Variants in GCH1 observed in about 807,000 individuals in gnomAD.
GCH1 encodes GTP cyclohydrolase I.
In GCH1, 5 loss-of-function variants were observed where a neutral mutation model predicts 25.9. The ratio of observed to expected loss-of-function variants is 0.19; its 90% CI spans 0.10 to 0.41. GCH1 has a LOEUF of 0.41. Ranked by LOEUF, GCH1 falls within the 10% of genes least tolerant of loss-of-function variation. The pLI, the probability that GCH1 is intolerant of heterozygous loss-of-function variation, is 1.00. For missense variants in GCH1, 261 were observed against 336.5 expected (o/e 0.78, Z 1.75); for synonymous variants, 159 against 129.6 (o/e 1.23, Z -1.54).
At chr14:54,886,040 G>A (rs914774292) in intron 1 of GCH1, 1 of 220,978 alleles carries the variant, frequency 4.5e-6, no homozygotes, top group Admixed American at 5.1e-5. Flanking sequence ...AAACCCTAGT[G>A]GTACTTGTCT....
chr14:54,866,170 C>G (rs1448354192), intron 1 of GCH1, among the ~76,000 whole-genome samples: 4 of 151,614 alleles, frequency 2.6e-5, no homozygotes, highest in Non-Finnish European at 5.9e-5. Flanking sequence ...CTCAACTATG[C>G]TATGTGCAAA....
rs200655576 is a variant in GCH1, at chr14:54,861,877, ACT to A, written c.454-2143_454-2142del. On this transcript the variant is annotated intron_variant, in intron 2 of 5. Coordinates refer to ENST00000491895, the MANE Select transcript of GCH1 (RefSeq NM_000161.3). ...GGATCTGGCTGCAGCCAAGCCACTA[ACT>A]CTCTCTATCCTCTTGAACAAGTCAC... Among the ~76,000 whole-genome samples the A allele has an allele frequency of 2.6e-5, 4 of 152,206 alleles. No homozygotes were observed. The East Asian group carries it at 7.7e-4, about 29-fold the overall frequency.
chr14:54,842,144 T>C lies in GCH1; in HGVS notation c.*1873A>G, dbSNP rs2039566178. The C allele has an allele frequency of 6.6e-6, 1 of 152,282 alleles. No homozygotes were observed. Among genetic ancestry groups the C allele is most frequent in the Admixed American group, 6.6e-5 (1 of 15,256 alleles). 9.4% of individuals were successfully genotyped at this position (152,282 alleles called of 1,614,324 possible). A position where few individuals can be genotyped will look rare whatever the true frequency, so the allele number is the denominator to read the frequency against. ...ATCAAATTCTTAAAAATCCCCCAAA[T>C]GGACTCAAGATCATGGATATGAAAA... On this transcript the variant is annotated 3_prime_UTR_variant, in exon 6 of 6. Coordinates refer to ENST00000491895, the MANE Select transcript of GCH1 (RefSeq NM_000161.3).
intron 1 of GCH1, among the ~76,000 whole-genome samples, chr14:54,875,688 A>G (rs979562915): frequency 1.3e-5 from 2 of 152,234 alleles, no homozygotes; most frequent in African/African-American, 4.8e-5. Context: ...CTTCTCAAGG[A>G]TATGAACAGA....
At chr14:54,847,621 G>C (rs889327080) in intron 3 of GCH1, among the ~76,000 whole-genome samples, 1 of 152,002 alleles carries the variant, frequency 6.6e-6, no homozygotes, top group Non-Finnish European at 1.5e-5. Flanking sequence ...ACAGCCTATT[G>C]TGGGACCCTG....
At chr14:54,848,133 CCT>C (rs1185217559) in intron 3 of GCH1, among the ~76,000 whole-genome samples, 2 of 149,118 alleles carry the variant, frequency 1.3e-5, no homozygotes, top group African/African-American at 2.5e-5. Flanking sequence ...GATAAATTTT[CCT>C]CTTTTTTTTT....
intron 1 of GCH1, among the ~76,000 whole-genome samples, chr14:54,872,164 C>T (rs1368691369): frequency 5.3e-5 from 8 of 152,292 alleles, no homozygotes; most frequent in Admixed American, 1.3e-4. Flanking sequence ...AGAAACTCTA[C>T]AAGCCAGAAG....
chr14:54,885,093 G>A, intron 1 of GCH1: 1 of 309,156 alleles, frequency 3.2e-6, no homozygotes, highest in South Asian at 3.7e-5. Context: ...GTTGTCATCT[G>A]TTGTCCTGGA....
chr14:54,859,690 T>C lies in GCH1; in HGVS notation c.500A>G (p.Lys167Arg). Residue 167 changes from lysine to arginine, a missense_variant, in exon 3 of 6, where the codon AAA becomes AGA. Physicochemically the swap from Lys to Arg is conservative, Grantham distance 26. Coordinates refer to ENST00000491895, the MANE Select transcript of GCH1 (RefSeq NM_000161.3). ...GCACAGTCACACTTACCTCGCAAGT[T>C]TGCTGAGGCCAAGGACTTGCTTGTT... ...LPNKQVLGLS[K>R]LARIVEIYSR... The C allele has an allele frequency of 6.3e-7, 1 of 1,591,912 alleles. No individual in the cohort carries two copies. The highest frequency in any genetic ancestry group is 2.2e-5 in the East Asian group (1 of 44,774).
intron 1 of GCH1, among the ~76,000 whole-genome samples, chr14:54,897,085 C>CTGCAACCT (rs1194000129): frequency 7.0e-6 from 1 of 142,204 alleles, no homozygotes; most frequent in East Asian, 2.2e-4. Flanking sequence ...TCTCGGCTCA[C>CTGCAACCT]TGCAACCTCC....
intron 3 of GCH1, among the ~76,000 whole-genome samples, chr14:54,858,215 C>A (rs1462673577): frequency 6.6e-6 from 1 of 152,054 alleles, no homozygotes. Context: ...CCAGGGCCTG[C>A]ATAAAGAAAC....
chr14:54,853,319 G>C (rs977106059), intron 3 of GCH1, among the ~76,000 whole-genome samples: 1 of 152,132 alleles, frequency 6.6e-6, no homozygotes, highest in African/African-American at 2.4e-5. Context: ...GGCCACACAG[G>C]TAGTACTAAT....
intron 1 of GCH1, among the ~76,000 whole-genome samples, chr14:54,899,345 C>T (rs1378937105): frequency 6.6e-6 from 1 of 152,086 alleles, no homozygotes; most frequent in Non-Finnish European, 1.5e-5. Flanking sequence ...CCTGTAGTTC[C>T]AGCTATTCAG....
chr14:54,870,262 C>G (rs1410184436), intron 1 of GCH1, among the ~76,000 whole-genome samples: 3 of 138,094 alleles, frequency 2.2e-5, no homozygotes, highest in Non-Finnish European at 3.0e-5. Flanking sequence ...CTTTGGGAGG[C>G]GAAGGTGAGA....
chr14:54,870,478 C>G (rs1485517747), intron 1 of GCH1, among the ~76,000 whole-genome samples: 1 of 152,120 alleles, frequency 6.6e-6, no homozygotes, highest in Non-Finnish European at 1.5e-5. Flanking sequence ...GGGTTCATCT[C>G]ACTGGGGAGT....
chr14:54,845,378 T>C (rs1168435746), intron 5 of GCH1, among the ~76,000 whole-genome samples: 1 of 150,866 alleles, frequency 6.6e-6, no homozygotes, highest in Admixed American at 6.6e-5. Flanking sequence ...CTCGGGAGGC[T>C]GAGGCAGGAG....
chr14:54,849,187 C>T (rs1312202580), intron 3 of GCH1, among the ~76,000 whole-genome samples: 1 of 152,182 alleles, frequency 6.6e-6, no homozygotes, highest in Non-Finnish European at 1.5e-5. Flanking sequence ...TTACTGAGTG[C>T]CTGCTATGTA....
intron 3 of GCH1, among the ~76,000 whole-genome samples, chr14:54,855,320 A>G (rs2039792174): frequency 6.6e-6 from 1 of 152,030 alleles, no homozygotes; most frequent in Non-Finnish European, 1.5e-5. Context: ...AGTCTTGCCA[A>G]CATGTTGAAA....
intron 2 of GCH1, among the ~76,000 whole-genome samples, chr14:54,864,745 T>C (rs137893454): frequency 3.3e-4 from 51 of 152,286 alleles, no homozygotes; most frequent in Admixed American, 1.8e-3. Flanking sequence ...CTAGATTAGA[T>C]CTAAAGTTTC....
Sources: allele counts gnomAD v4.1 joint callset (sites outside exome capture counted in the v4.1 genomes callset), GRCh38; gene constraint gnomAD v4.1.1; transcripts MANE v1.5; gene names NCBI Gene and HGNC (gene_info 2026-07-23, HGNC 2026-07-21).